DOK7: variants seen among roughly 807,000 people sequenced by gnomAD.
DOK7 encodes the protein docking protein 7, also known as protein Dok-7.
In DOK7, 32 loss-of-function variants were observed where a neutral mutation model predicts 30.7. The ratio of observed to expected loss-of-function variants is 1.04; its 90% CI spans 0.79 to 1.40. The LOEUF (loss-of-function observed/expected upper bound fraction) is 1.40, where lower values mean the gene tolerates loss of function less well. Among genes scored for constraint, DOK7 ranks in the 40% most tolerant of loss-of-function variants. DOK7 has a pLI of 0.00. For synonymous variants in DOK7, 447 were observed against 324.1 expected, an observed-to-expected ratio of 1.38 and a Z score of -4.07; for missense variants, 1,007 against 699.2, an observed-to-expected ratio of 1.44 and a Z score of -4.97.
chr4:3,498,330 C>T (rs1359014878), downstream of DOK7, among the ~76,000 whole-genome samples: 2 of 151,906 alleles, frequency 1.3e-5, no homozygotes, highest in African/African-American at 2.4e-5. Flanking sequence ...GCTGGCCCAG[C>T]GCTGCTTACA....
chr4:3,470,339 G>A (rs577872317), intron 2 of DOK7, among the ~76,000 whole-genome samples: 8 of 152,328 alleles, frequency 5.3e-5, no homozygotes, highest in East Asian at 3.9e-4. Flanking sequence ...TACAGGTTCC[G>A]GGGTCGGGAG....
intron 5 of DOK7, among the ~76,000 whole-genome samples, chr4:3,486,097 G>A (rs16844427): frequency 0.022 from 3,311 of 152,082 alleles, 117 homozygotes; most frequent in African/African-American, 0.075. Flanking sequence ...GCCTGAGCCC[G>A]GTGTTTAGGC....
chr4:3,489,262 T>A (rs1201251440), intron 5 of DOK7, among the ~76,000 whole-genome samples: 4 of 151,872 alleles, frequency 2.6e-5, no homozygotes, highest in Non-Finnish European at 5.9e-5. Flanking sequence ...GAGGGGAGCC[T>A]GTGAGAAATG....
chr4:3,469,527 G>C (rs1318066715), intron 2 of DOK7, among the ~76,000 whole-genome samples: 1 of 152,170 alleles, frequency 6.6e-6, no homozygotes, highest in African/African-American at 2.4e-5. Context: ...CTGGGTGAGA[G>C]ACTCCCAGGT....
intron 5 of DOK7, 54 bp downstream of exon 5, chr4:3,485,712 C>CG: frequency 2.1e-6 from 3 of 1,451,044 alleles, no homozygotes; most frequent in Non-Finnish European, 2.7e-6. Context: ...GGCTGTGCGA[C>CG]GTCCCGGGGC....
Position 3,493,246 on chromosome 4 carries a change from CCCCTCACAGGGCAG to C in DOK7, c.1264_1277del (p.Ser422ArgfsTer92). 1 of 1,612,016 alleles carries C rather than the reference CCCCTCACAGGGCAG, an allele frequency of 6.2e-7. No individual in the cohort carries two copies. Among genetic ancestry groups the C allele is most frequent in the Admixed American group, 1.7e-5 (1 of 59,982 alleles). On this transcript the variant is annotated frameshift_variant, in exon 7 of 7. Coordinates refer to ENST00000340083, the MANE Select transcript of DOK7 (RefSeq NM_173660.5). LOFTEE classifies it low-confidence loss of function (END_TRUNC). ...GCCTGGCTCCTAGAGACCACAGCCC[CCCCTCACAGGGCAG>C]CCCCGGCAACAGTGCGGCCAGGGAC... is the stretch of plus-strand genomic sequence containing the variant.
At chr4:3,480,121 G>C (rs1440011425) in intron 4 of DOK7, among the ~76,000 whole-genome samples, 1 of 152,212 alleles carries the variant, frequency 6.6e-6, no homozygotes, top group Non-Finnish European at 1.5e-5. Context: ...AGCCTAGGAA[G>C]GGAGGGCTTT....
Position 3,493,871 on chromosome 4 carries a change from T to A in DOK7, c.*370T>A. 8.9e-7 allele frequency: 1 copy of A among 1,128,104 alleles called. No homozygotes were observed. Among genetic ancestry groups the A allele is most frequent in the East Asian group, 5.8e-5 (1 of 17,258 alleles). The allele number at this position is 1,128,104 out of a possible 1,614,324, so 69.9% of individuals were successfully genotyped here. ...GCCCTGCCGCTGGCCTTGTCCTCCTTGGGCCTCACGCCCCCTTCGGGGGTG... is the reference window on the plus strand; with the variant it reads ...GCCCTGCCGCTGGCCTTGTCCTCCTAGGGCCTCACGCCCCCTTCGGGGGTG... On this transcript the variant is annotated 3_prime_UTR_variant, in exon 7 of 7. Transcript: ENST00000340083.
At chr4:3,476,578 A>G in intron 4 of DOK7, 36 bp downstream of exon 4, 1 of 1,611,966 alleles carries the variant, frequency 6.2e-7, no homozygotes, top group Non-Finnish European at 8.5e-7. Context: ...GGGCAGCAGC[A>G]GCACCCCCCA....
Position 3,493,445 on chromosome 4 carries a change from G to T in DOK7, c.1459G>T (p.Ala487Ser), listed in dbSNP as rs751342277. 7 of 1,608,452 alleles carry T rather than the reference G, an allele frequency of 4.4e-6. No homozygotes were observed. The South Asian group carries it at 4.4e-5, about 10-fold the overall frequency. ...AGGPHAGPPP[A>S]FFSACPVCGG... ...CGGCCCCCACGCGGGGCCACCCCCG[G>T]CTTTCTTTTCGGCATGTCCAGTCTG... Residue 487 changes from alanine (A) to serine (S), a missense_variant, in exon 7 of 7, where the codon GCT (alanine) becomes TCT (serine). By Grantham distance (99) the Ala-to-Ser change is moderately conservative. Transcript: ENST00000340083.
rs1226413438 is a variant in DOK7 at position 3,492,800 on chromosome 4, C to T, written c.814C>T (p.His272Tyr). Residue 272 changes from histidine (H) to tyrosine (Y), a missense_variant, in exon 7 of 7, where the codon CAC becomes TAC. His to Tyr is a moderately conservative substitution (Grantham distance 83). Transcript: ENST00000340083. ...GTCCAGCTCATCCTCAGAGGCCAGT[C>T]ACTTGGACGTCAGCGCCAGCAGCCG... ...SLSSSSSEASHLDVSASSRLT... is the reference protein window; with the variant it reads ...SLSSSSSEASYLDVSASSRLT... 2.5e-6 allele frequency: 4 copies of T among 1,612,796 alleles called. No homozygotes were observed. The highest frequency in any genetic ancestry group is 1.7e-5 in the Admixed American group (1 of 60,012).
In DOK7 at chr4:3,494,038, A is replaced by G. The variant is rs933328258; in HGVS notation, c.*537A>G. ...GCTGGGCCTCATCCCCATCTATGGGAGGAAACTGAAGCTCAGGAGGCTGTG... is the reference window on the plus strand; with the variant it reads ...GCTGGGCCTCATCCCCATCTATGGGGGGAAACTGAAGCTCAGGAGGCTGTG... On this transcript the variant is annotated 3_prime_UTR_variant, in exon 7 of 7. Transcript: ENST00000340083. The G allele has an allele frequency of 1.0e-6, 1 of 988,196 alleles. No individual in the cohort carries two copies. Among genetic ancestry groups the G allele is most frequent in the South Asian group, 4.7e-5 (1 of 21,374 alleles). The allele number at this position is 988,196 out of a possible 1,614,324, so 61.2% of individuals were successfully genotyped here.
intron 4 of DOK7, chr4:3,484,984 G>T: frequency 1.5e-6 from 1 of 673,768 alleles, no homozygotes; most frequent in Non-Finnish European, 1.8e-6. Context: ...TGGCCTTGGA[G>T]CCCTGAGGGG....
rs606231132 is a variant in DOK7 at position 3,493,124 on chromosome 4, GC to G, written c.1143del (p.Glu382SerfsTer74). 8 of 1,591,970 alleles carry G rather than the reference GC, an allele frequency of 5.0e-6. No homozygotes were observed. The African/African-American group carries it at 5.4e-5, about 11-fold the overall frequency. The stretch of plus-strand genomic sequence containing the variant: ...ACTGCTCAGCCTGCCAGCAGCGGGG[GC>G]CCCCGAGCCCAGCCTGTGCACCTGC... ...GSLLSLPAAG[A>X]PEPSLCTCLP... is the part of the protein sequence containing the mutation. On this transcript the variant is annotated frameshift_variant, in exon 7 of 7. Transcript: ENST00000340083. LOFTEE classifies it low-confidence loss of function (END_TRUNC).
chr4:3,492,494 G>A (rs1241755476), intron 6 of DOK7, among the ~76,000 whole-genome samples: 1 of 152,120 alleles, frequency 6.6e-6, no homozygotes, highest in Admixed American at 6.5e-5. Context: ...CAAGGTAGTG[G>A]CAGGGGTGCT....
rs1726774197 is a variant in DOK7 at position 3,471,628 on chromosome 4, A to G, written c.101-1778A>G. Among the ~76,000 whole-genome samples the G allele has an allele frequency of 1.3e-5, 2 of 152,282 alleles. 1 individual carries two copies. The highest frequency in any genetic ancestry group is 4.1e-4 in the South Asian group (2 of 4,822). On this transcript the variant is annotated intron_variant, in intron 2 of 6. Transcript: ENST00000340083. ...GTTCATGCTGTTCCCACACACCGTC[A>G]TTTCTTGGGTGCTCTGGTGACGCAT...
intron 5 of DOK7, among the ~76,000 whole-genome samples, chr4:3,487,684 G>T (rs747740323): frequency 6.6e-6 from 1 of 152,204 alleles, no homozygotes; most frequent in South Asian, 2.1e-4. Context: ...CTCAGGGGGC[G>T]TGTGGTGGAG....
rs551985660 is a variant in DOK7, at chr4:3,501,379, C to T, written c.*554C>T. ...CCTCCCCGCCTCCCGGCTGTCCTGC[C>T]TGGGCCACCGCCACCCTGCACCTGG... is the stretch of plus-strand genomic sequence containing the variant. On this transcript the variant is annotated 3_prime_UTR_variant, in exon 8 of 8. Transcript: ENST00000643608. 5.3e-3 allele frequency: 826 copies of T among 154,912 alleles called. 7 individuals carry two copies. The highest frequency in any genetic ancestry group is 9.4e-3 in the Non-Finnish European group (652 of 69,698). 9.6% of individuals were successfully genotyped at this position (154,912 alleles called of 1,614,324 possible). A position where few individuals can be genotyped will look rare whatever the true frequency, so the allele number is the denominator to read the frequency against.
chr4:3,486,819 T>A (rs1410478981), intron 5 of DOK7, among the ~76,000 whole-genome samples: 3 of 152,150 alleles, frequency 2.0e-5, no homozygotes, highest in African/African-American at 7.2e-5. Flanking sequence ...TGTTTGGCTG[T>A]GCAAGGCGAG....
Sources: allele counts gnomAD v4.1 joint callset (sites outside exome capture counted in the v4.1 genomes callset), GRCh38; gene constraint gnomAD v4.1.1; transcripts MANE v1.5; gene names NCBI Gene and HGNC (gene_info 2026-07-23, HGNC 2026-07-21).